GTF2B: variants seen among roughly 807,000 people sequenced by gnomAD.
The protein encoded by GTF2B is general transcription factor IIB.
GTF2B carries 20 observed loss-of-function variants against 34.6 expected under a neutral mutation model. The observed-to-expected ratio is 0.58, with a 90% CI of 0.41 to 0.84. GTF2B has a LOEUF of 0.84. GTF2B is among the 40% of genes least tolerant of loss of function. GTF2B has a pLI of 0.00. For missense variants in GTF2B, 237 were observed against 393.3 expected (o/e 0.60, Z 3.36); for synonymous variants, 142 against 132.4 (o/e 1.07, Z -0.50).
intron 3 of GTF2B, 136 bp from the exon 4 acceptor site, chr1:88,860,422 C>T: frequency 1.6e-6 from 1 of 616,128 alleles, no homozygotes; most frequent in South Asian, 2.2e-5. Context: ...CTCATCTATA[C>T]TAAATGAACA....
chr1:88,884,159 C>G (rs556880547), intron 2 of GTF2B, among the ~76,000 whole-genome samples: 2 of 151,810 alleles, frequency 1.3e-5, no homozygotes, highest in South Asian at 2.1e-4. Flanking sequence ...CCCGAGTAAG[C>G]TGGGATTACA....
intron 1 of GTF2B, among the ~76,000 whole-genome samples, chr1:88,891,240 C>A (rs542712921): frequency 6.6e-6 from 1 of 152,042 alleles, no homozygotes; most frequent in Admixed American, 6.5e-5. Context: ...CCCACCAGGA[C>A]CCACATAGGG....
chr1:88,876,389 G>A (rs1673816630), intron 2 of GTF2B, among the ~76,000 whole-genome samples: 1 of 152,150 alleles, frequency 6.6e-6, no homozygotes, highest in Non-Finnish European at 1.5e-5. Flanking sequence ...AAAAAAACAA[G>A]GGGGAAGCCG....
chr1:88,887,428 TGGGATGG>T, intron 1 of GTF2B, 61 bp from the exon 2 acceptor site: 3 of 977,848 alleles, frequency 3.1e-6, no homozygotes, highest in East Asian at 2.4e-5. Flanking sequence ...ATTAATCTTC[TGGGATGG>T]GGGATGGGGA....
chr1:88,867,961 C>G (rs1205129336), intron 2 of GTF2B, among the ~76,000 whole-genome samples: 1 of 152,090 alleles, frequency 6.6e-6, no homozygotes, highest in Non-Finnish European at 1.5e-5. Flanking sequence ...TTTAACTACT[C>G]AAAAGAGCAT....
At chr1:88,880,399 T>C (rs1055219197) in intron 2 of GTF2B, among the ~76,000 whole-genome samples, 1 of 152,238 alleles carries the variant, frequency 6.6e-6, no homozygotes, top group Non-Finnish European at 1.5e-5. Flanking sequence ...GAAGAGCAGA[T>C]GCCTTTAAAC....
At chr1:88,872,194 C>G in intron 2 of GTF2B, among the ~76,000 whole-genome samples, 1 of 151,986 alleles carries the variant, frequency 6.6e-6, no homozygotes, top group Non-Finnish European at 1.5e-5. Context: ...TGGCTCACGC[C>G]TGTAATCCTA....
chr1:88,857,528 A>G (rs564327418), intron 5 of GTF2B, 41 bp from the exon 6 acceptor site: 2 of 1,020,170 alleles, frequency 2.0e-6, no homozygotes, highest in Admixed American at 2.1e-5. Context: ...CACTTAAGCC[A>G]TATAGTTCAT....
At chr1:88,869,651 G>A (rs999870313) in intron 2 of GTF2B, among the ~76,000 whole-genome samples, 8 of 151,986 alleles carry the variant, frequency 5.3e-5, no homozygotes, top group East Asian at 1.9e-4. Flanking sequence ...CCCCCGAGAC[G>A]GAGTCTCACT....
Position 88,891,559 on chromosome 1 carries a change from G to T in GTF2B, c.-60C>A. The T allele has an allele frequency of 1.3e-6, 2 of 1,499,150 alleles. No individual in the cohort carries two copies. The highest frequency in any genetic ancestry group is 9.2e-7 in the Non-Finnish European group (1 of 1,089,762). 92.9% of individuals were successfully genotyped at this position (1,499,150 alleles called of 1,614,324 possible). On this transcript the variant is annotated 5_prime_UTR_variant, in exon 1 of 7. Transcript: ENST00000370500. Reference sequence around the variant, plus strand: ...AACAGACACACCGAAAGCAGGAAGCGAATGTGGCGAAGAGACGCGCAGAGA... The same window carrying T: ...AACAGACACACCGAAAGCAGGAAGCTAATGTGGCGAAGAGACGCGCAGAGA...
intron 2 of GTF2B, among the ~76,000 whole-genome samples, chr1:88,879,892 C>A (rs968979252): frequency 6.6e-6 from 1 of 151,884 alleles, no homozygotes; most frequent in African/African-American, 2.4e-5. Context: ...CCCGTCTCTA[C>A]TAAAAATACA....
chr1:88,890,598 C>A (rs1674176378), intron 1 of GTF2B, among the ~76,000 whole-genome samples: 1 of 152,154 alleles, frequency 6.6e-6, no homozygotes, highest in Non-Finnish European at 1.5e-5. Flanking sequence ...TTGTCTTAGA[C>A]TCTACACTCT....
chr1:88,863,929 C>G (rs1457202729), intron 3 of GTF2B, 52 bp downstream of exon 3: 1 of 1,560,640 alleles, frequency 6.4e-7, no homozygotes. Context: ...CCCAAACTCT[C>G]AGGTCTATGG....
intron 6 of GTF2B, among the ~76,000 whole-genome samples, chr1:88,855,434 C>T (rs1329290173): frequency 2.0e-5 from 3 of 149,356 alleles, no homozygotes; most frequent in African/African-American, 7.4e-5. Flanking sequence ...CTCACCGCAA[C>T]CTCTGCCTCC....
intron 5 of GTF2B, 38 bp downstream of exon 5, chr1:88,859,844 A>C (rs1673396527): frequency 2.5e-6 from 4 of 1,595,950 alleles, no homozygotes; most frequent in Non-Finnish European, 3.4e-6. Flanking sequence ...TCAAACAAAC[A>C]AACAAACAAA....
chr1:88,890,882 T>C (rs1035794893), intron 1 of GTF2B, among the ~76,000 whole-genome samples: 10 of 152,130 alleles, frequency 6.6e-5, no homozygotes, highest in South Asian at 2.1e-4. Context: ...CAGGCAACGA[T>C]ATTTGTAAAC....
intron 3 of GTF2B, among the ~76,000 whole-genome samples, chr1:88,860,612 A>AT (rs1216536786): frequency 1.1e-4 from 17 of 152,222 alleles, no homozygotes; most frequent in Admixed American, 7.2e-4. Flanking sequence ...AAAAGGTAGT[A>AT]TATCATGACC....
chr1:88,854,394 C>T (rs914080785), intron 6 of GTF2B, among the ~76,000 whole-genome samples: 4 of 152,144 alleles, frequency 2.6e-5, no homozygotes, highest in African/African-American at 9.7e-5. Flanking sequence ...CCTTTAAAGT[C>T]GCTGTCCCTT....
Position 88,891,543 on chromosome 1 carries a change from ACC to A in GTF2B, c.-46_-45del. The A allele has an allele frequency of 1.3e-6, 2 of 1,575,746 alleles. No individual in the cohort carries two copies. The highest frequency in any genetic ancestry group is 1.7e-6 in the Non-Finnish European group (2 of 1,153,874). ...GCCCGCAACAAGACACAACAGACAC[ACC>A]GAAAGCAGGAAGCGAATGTGGCGAA... On this transcript the variant is annotated 5_prime_UTR_variant, in exon 1 of 7. Coordinates refer to ENST00000370500, the MANE Select transcript of GTF2B (RefSeq NM_001514.6).
Sources: gnomAD v4.1 joint callset for allele counts (sites outside exome capture counted in the v4.1 genomes callset) on GRCh38, gnomAD v4.1.1 for gene constraint, MANE v1.5 for transcripts, NCBI Gene and HGNC (gene_info 2026-07-23, HGNC 2026-07-21) for gene names.